Variants in DENND1B observed in about 807,000 individuals in gnomAD.
DENND1B encodes the protein DENN domain containing 1B.
In DENND1B, 59 loss-of-function variants were observed where a neutral mutation model predicts 90.1. That is an observed-to-expected ratio of 0.65 (90% CI 0.53 to 0.81). The LOEUF (loss-of-function observed/expected upper bound fraction) is 0.81. Among genes scored for constraint, DENND1B ranks in the 40% least tolerant of loss-of-function variants. DENND1B has a pLI of 0.00. For missense variants in DENND1B, 862 were observed against 912.6 expected (o/e 0.94, Z 0.71); for synonymous variants, 337 against 324.6 (o/e 1.04, Z -0.41).
At chr1:197,628,618 A>T (rs1325828902) in intron 10 of DENND1B, among the ~76,000 whole-genome samples, 51 of 150,458 alleles carry the variant, frequency 3.4e-4, no homozygotes, top group South Asian at 6.3e-4. Flanking sequence ...AGGCATGGGC[A>T]AGGACTTCAT....
rs529531604 is a variant in DENND1B at position 197,684,868 on chromosome 1, C to T, written c.127-10699G>A. Among the ~76,000 whole-genome samples the T allele has an allele frequency of 2.6e-5, 4 of 152,236 alleles. No homozygotes were observed. In the East Asian group the frequency reaches 5.8e-4, roughly 22 times the overall value. The stretch of plus-strand genomic sequence containing the variant: ...GCACAGTGGCTCATGCCTGTAATCC[C>T]AGCACTCTGGAAGGCTGAGGCAGGT... On this transcript the variant is annotated intron_variant, in intron 3 of 22. Transcript: ENST00000620048.
At chr1:197,599,435 A>C (rs1676000502) in intron 13 of DENND1B, among the ~76,000 whole-genome samples, 1 of 151,840 alleles carries the variant, frequency 6.6e-6, no homozygotes, top group African/African-American at 2.4e-5. Context: ...AATAATATTT[A>C]GATAATCTAC....
chr1:197,561,192 G>A (rs1205596871), intron 15 of DENND1B, among the ~76,000 whole-genome samples: 1 of 151,868 alleles, frequency 6.6e-6, no homozygotes, highest in Admixed American at 6.6e-5. Context: ...TCAGTACTTT[G>A]TGTCTACGTC....
Position 197,516,733 on chromosome 1 carries a change from C to A in DENND1B, c.1516-3780G>T, listed in dbSNP as rs146319398. ...TATTCTTAAGGGTGCCAATACCCAG[C>A]CAGTAACAGTACATCTTCATCTAGG... On this transcript the variant is annotated intron_variant, in intron 20 of 22. Transcript: ENST00000620048. Among the ~76,000 whole-genome samples the A allele has an allele frequency of 1.9e-4, 29 of 151,752 alleles. 2 individuals carry two copies. In the East Asian group the frequency reaches 5.6e-3, roughly 30 times the overall value.
At chr1:197,701,543 C>A (rs150215601) in intron 3 of DENND1B, among the ~76,000 whole-genome samples, 1,981 of 151,522 alleles carry the variant, frequency 0.013, 42 homozygotes, top group Non-Finnish European at 0.015. Flanking sequence ...TGTATCCCCC[C>A]CTTCCCCGGC....
At chr1:197,777,623 A>G (rs1657331524), upstream of DENND1B, among the ~76,000 whole-genome samples, 1 of 152,174 alleles carries the variant, frequency 6.6e-6, no homozygotes, top group Non-Finnish European at 1.5e-5. Context: ...ACTGATAGAG[A>G]AGTGTACAAA....
Position 197,521,782 on chromosome 1 carries a change from T to C in DENND1B, c.1516-8829A>G, listed in dbSNP as rs1668794968. ...AAAGAGTTAAAAGACTTACCCATGA[T>C]TGACTTGCTTCAATGTGTTAGCTAC... On this transcript the variant is annotated intron_variant, in intron 20 of 22. Coordinates refer to ENST00000620048, the MANE Select transcript of DENND1B (RefSeq NM_001195215.2). Among the ~76,000 whole-genome samples the C allele has an allele frequency of 1.3e-5, 2 of 152,110 alleles. 1 individual carries two copies. The highest frequency in any genetic ancestry group is 4.1e-4 in the South Asian group (2 of 4,834).
At chr1:197,613,556 A>G (rs1332950599) in intron 11 of DENND1B, among the ~76,000 whole-genome samples, 1 of 150,824 alleles carries the variant, frequency 6.6e-6, no homozygotes, top group Non-Finnish European at 1.5e-5. Context: ...CTACCTTCAA[A>G]AGGAAACAGG....
intron 1 of DENND1B, 37 bp downstream of exon 1, chr1:197,775,092 CCGCCGAGGGA>C: frequency 1.7e-6 from 2 of 1,211,334 alleles, no homozygotes; most frequent in Non-Finnish European, 1.0e-6. Flanking sequence ...CTGGGAGGGG[CCGCCGAGGGA>C]CGCCCGCCCC....
intron 3 of DENND1B, among the ~76,000 whole-genome samples, chr1:197,705,706 C>T (rs1571430292): frequency 6.8e-6 from 1 of 146,900 alleles, no homozygotes; most frequent in African/African-American, 2.5e-5. Context: ...GTTGAACAGA[C>T]AAGACAGAAT....
intron 11 of DENND1B, among the ~76,000 whole-genome samples, chr1:197,617,197 G>A (rs1264132471): frequency 1.3e-5 from 2 of 150,986 alleles, no homozygotes; most frequent in African/African-American, 4.8e-5. Context: ...TCAGTACTTG[G>A]TATTTGGTGT....
rs1330083881 is a variant in DENND1B at position 197,619,500 on chromosome 1, A to G, written c.673-1741T>C. On this transcript the variant is annotated intron_variant, in intron 10 of 22. Transcript: ENST00000620048. ...TCAATCTGCACACAGATGACTTTTT[A>G]AACAGCTCATTTAAAGCCTTAAAAA... is the stretch of plus-strand genomic sequence containing the variant. 2.0e-5 allele frequency among the ~76,000 whole-genome samples: 3 copies of G among 151,218 alleles called. No individual in the cohort carries two copies. In the East Asian group the frequency reaches 5.8e-4, roughly 29 times the overall value.
intron 15 of DENND1B, among the ~76,000 whole-genome samples, chr1:197,558,490 G>A (rs1279232880): frequency 6.6e-6 from 1 of 151,672 alleles, no homozygotes; most frequent in African/African-American, 2.4e-5. Context: ...TATGAGCCAG[G>A]AACCGTGGAC....
intron 5 of DENND1B, among the ~76,000 whole-genome samples, chr1:197,667,771 A>T (rs1407973185): frequency 6.6e-6 from 1 of 152,226 alleles, no homozygotes; most frequent in African/African-American, 2.4e-5. Flanking sequence ...ACTAAAACAT[A>T]CTAGTAAGAT....
chr1:197,643,642 C>T (rs1056621255), intron 9 of DENND1B, among the ~76,000 whole-genome samples: 1 of 152,104 alleles, frequency 6.6e-6, no homozygotes, highest in Non-Finnish European at 1.5e-5. Flanking sequence ...TATAAAACAG[C>T]CCTTTGGTAC....
rs1274593662 is a variant in DENND1B, at chr1:197,595,304, C to T, written c.951G>A (p.Lys317=). Residue 317 remains lysine (K), a synonymous_variant, in exon 14 of 23, where the codon AAG becomes AAA. Coordinates refer to ENST00000620048, the MANE Select transcript of DENND1B (RefSeq NM_001195215.2). The part of the protein sequence containing the change: ...VVSALKNKLK[K]QSTATGDGVA... ...CTCCATCACCCGTAGCTGTAGACTG[C>T]TTCTTCAGTTTATTTTTCAAGGCCG... is the stretch of plus-strand genomic sequence containing the variant. 2 of 1,612,952 alleles carry T rather than the reference C, an allele frequency of 1.2e-6. No homozygotes were observed. The highest frequency in any genetic ancestry group is 1.7e-6 in the Non-Finnish European group (2 of 1,179,318).
chr1:197,557,710 T>G (rs1571867980), intron 15 of DENND1B, among the ~76,000 whole-genome samples: 1 of 151,926 alleles, frequency 6.6e-6, no homozygotes, highest in African/African-American at 2.4e-5. Context: ...CTGAAAAGCG[T>G]TATTAATGAG....
intron 12 of DENND1B, among the ~76,000 whole-genome samples, chr1:197,608,285 CAT>C (rs979111232): frequency 1.3e-5 from 2 of 150,684 alleles, no homozygotes; most frequent in African/African-American, 4.8e-5. Flanking sequence ...AGAATTTCCA[CAT>C]GTTAAGAAAG....
At position 197,692,627 on chromosome 1, in the gene DENND1B, A is replaced by G. The variant is rs114386792; in HGVS notation, c.127-18458T>C. 5.5e-3 allele frequency among the ~76,000 whole-genome samples: 833 copies of G among 151,980 alleles called. 9 individuals carry two copies. Among genetic ancestry groups the G allele is most frequent in the African/African-American group, 0.019 (794 of 41,528 alleles). On this transcript the variant is annotated intron_variant, in intron 3 of 22. Transcript: ENST00000620048. ...TAATAACTCCACAGACAATCATGTA[A>G]AACTTCAGACTATTACAATTTGCAA...
Sources: allele counts gnomAD v4.1 joint callset (sites outside exome capture counted in the v4.1 genomes callset), GRCh38; gene constraint gnomAD v4.1.1; transcripts MANE v1.5; gene names NCBI Gene and HGNC (gene_info 2026-07-23, HGNC 2026-07-21).